The following NR6A1 variants were observed in gnomAD, a reference collection of about 807,000 sequenced individuals.
NR6A1 encodes nuclear receptor subfamily 6 group A member 1.
Under a neutral mutation model 59.1 loss-of-function variants are expected in NR6A1, and 7 were observed. The observed-to-expected ratio is 0.12, with a 90% confidence interval of 0.07 to 0.22. The LOEUF is 0.22. Ranked by LOEUF, NR6A1 falls within the 10% of genes least tolerant of loss-of-function variation. NR6A1 has a pLI of 1.00. For missense variants in NR6A1, 468 were observed against 611.6 expected (o/e 0.77, Z 2.48); for synonymous variants, 243 against 236.1 (o/e 1.03, Z -0.27).
At chr9:124,694,013 A>T (rs1247931028) in intron 2 of NR6A1, among the ~76,000 whole-genome samples, 1 of 152,250 alleles carries the variant, frequency 6.6e-6, no homozygotes, top group East Asian at 1.9e-4. Flanking sequence ...AATTAAATAC[A>T]TATCTGGATA....
At chr9:124,526,381 T>G (rs1258461568) in intron 8 of NR6A1, among the ~76,000 whole-genome samples, 1 of 152,056 alleles carries the variant, frequency 6.6e-6, no homozygotes, top group Admixed American at 6.6e-5. Flanking sequence ...CACAGAGGCC[T>G]TATCTCCAAC....
intron 7 of NR6A1, among the ~76,000 whole-genome samples, chr9:124,529,339 C>A (rs1833030852): frequency 6.6e-6 from 1 of 152,150 alleles, no homozygotes; most frequent in Admixed American, 6.5e-5. Flanking sequence ...CCTTTGTTTA[C>A]ATGTGGAAAT....
In NR6A1 at chr9:124,517,828, C is replaced by T. The variant is rs556291029; in HGVS notation, c.*4877G>A. 1 of 152,324 alleles carries T rather than the reference C, an allele frequency of 6.6e-6. No individual in the cohort carries two copies. The highest frequency in any genetic ancestry group is 1.5e-5 in the Non-Finnish European group (1 of 68,076). 9.4% of individuals were successfully genotyped at this position (152,324 alleles called of 1,614,324 possible). ...CCTGGGATGGCAACACAGACAAAAACACCAACACCCCAGGGCAGGCGGGGC... is the reference window on the plus strand; with the variant it reads ...CCTGGGATGGCAACACAGACAAAAATACCAACACCCCAGGGCAGGCGGGGC... On this transcript the variant is annotated 3_prime_UTR_variant, in exon 10 of 10. Transcript: ENST00000487099.
intron 4 of NR6A1, among the ~76,000 whole-genome samples, chr9:124,542,874 G>C (rs1224681581): frequency 2.0e-5 from 3 of 152,128 alleles, no homozygotes; most frequent in African/African-American, 4.8e-5. Flanking sequence ...AATTCCTAAG[G>C]CATGCTCTCT....
intron 2 of NR6A1, among the ~76,000 whole-genome samples, chr9:124,612,242 C>T (rs576803531): frequency 6.6e-6 from 1 of 152,118 alleles, no homozygotes; most frequent in African/African-American, 2.4e-5. Flanking sequence ...TTCTCTTCTG[C>T]CCCTCACTCT....
intron 2 of NR6A1, among the ~76,000 whole-genome samples, chr9:124,555,195 G>A (rs867202147): frequency 6.6e-6 from 1 of 152,078 alleles, no homozygotes; most frequent in Non-Finnish European, 1.5e-5. Flanking sequence ...ACTCACTGAC[G>A]AGCAATAAAC....
intron 3 of NR6A1, among the ~76,000 whole-genome samples, chr9:124,552,029 G>A (rs1228184751): frequency 2.0e-5 from 3 of 152,148 alleles, no homozygotes; most frequent in Non-Finnish European, 4.4e-5. Context: ...CTCATACTCC[G>A]TGTGTCTTCT....
At chr9:124,566,380 G>A (rs141255044) in intron 2 of NR6A1, among the ~76,000 whole-genome samples, 36 of 152,206 alleles carry the variant, frequency 2.4e-4, no homozygotes, top group African/African-American at 8.4e-4. Context: ...TTATCTTTAA[G>A]TATTAATATT....
intron 2 of NR6A1, among the ~76,000 whole-genome samples, chr9:124,607,746 T>G (rs1433885852): frequency 6.6e-6 from 1 of 152,126 alleles, no homozygotes; most frequent in African/African-American, 2.4e-5. Context: ...AATAATGTTT[T>G]TCATGAAATA....
At chr9:124,742,329 G>A (rs778584741) in intron 1 of NR6A1, among the ~76,000 whole-genome samples, 29 of 152,164 alleles carry the variant, frequency 1.9e-4, no homozygotes, top group African/African-American at 2.7e-4. Flanking sequence ...TTGGAAGGCC[G>A]AGGTGGGCAG....
chr9:124,583,326 C>T (rs1043159610), intron 2 of NR6A1, among the ~76,000 whole-genome samples: 2 of 152,188 alleles, frequency 1.3e-5, no homozygotes, highest in African/African-American at 2.4e-5. Context: ...TAACTTCTTA[C>T]AACCACTTAA....
chr9:124,768,787 A>T (rs1314388127), intron 1 of NR6A1, among the ~76,000 whole-genome samples: 1 of 152,236 alleles, frequency 6.6e-6, no homozygotes, highest in African/African-American at 2.4e-5. Flanking sequence ...TGCAGTTCTT[A>T]GGTTTCTCTT....
intron 5 of NR6A1, among the ~76,000 whole-genome samples, chr9:124,538,596 G>C (rs566406406): frequency 2.3e-4 from 35 of 152,282 alleles, no homozygotes; most frequent in African/African-American, 8.4e-4. Flanking sequence ...TGAATTCTTT[G>C]TATAGGTGCC....
chr9:124,769,684 G>C (rs1336532571), intron 1 of NR6A1, among the ~76,000 whole-genome samples: 1 of 152,238 alleles, frequency 6.6e-6, no homozygotes, highest in East Asian at 1.9e-4. Flanking sequence ...GAGGGGAGGA[G>C]GCACTGATCT....
intron 3 of NR6A1, among the ~76,000 whole-genome samples, chr9:124,547,048 T>C (rs1342471189): frequency 6.6e-6 from 1 of 152,250 alleles, no homozygotes; most frequent in Non-Finnish European, 1.5e-5. Flanking sequence ...TAAAATCTAT[T>C]TGGCAGTGAT....
chr9:124,717,742 A>G (rs188252862), intron 2 of NR6A1, among the ~76,000 whole-genome samples: 3 of 152,336 alleles, frequency 2.0e-5, no homozygotes, highest in Admixed American at 2.0e-4. Context: ...AGATAAGGAC[A>G]TGGACTTTGG....
At chr9:124,754,941 C>A (rs763149847) in intron 1 of NR6A1, among the ~76,000 whole-genome samples, 11 of 152,064 alleles carry the variant, frequency 7.2e-5, no homozygotes, top group South Asian at 2.1e-4. Context: ...ATCTCCACCC[C>A]CCTTCCACTC....
intron 2 of NR6A1, among the ~76,000 whole-genome samples, chr9:124,569,494 A>C (rs1474357641): frequency 4.6e-5 from 7 of 152,232 alleles, no homozygotes; most frequent in Admixed American, 4.6e-4. Flanking sequence ...GAAATGGAGA[A>C]TACAGCCACT....
At chr9:124,622,849 A>G (rs1284426583) in intron 2 of NR6A1, among the ~76,000 whole-genome samples, 2 of 139,418 alleles carry the variant, frequency 1.4e-5, no homozygotes, top group East Asian at 4.3e-4. Context: ...CTGCACAAGC[A>G]GGGCACAATG....
Sources: gnomAD v4.1 joint callset for allele counts (sites outside exome capture counted in the v4.1 genomes callset) on GRCh38, gnomAD v4.1.1 for gene constraint, MANE v1.5 for transcripts, NCBI Gene and HGNC (gene_info 2026-07-23, HGNC 2026-07-21) for gene names.